CNGB3: variants seen among roughly 807,000 people sequenced by gnomAD.
CNGB3 encodes cyclic nucleotide-gated channel beta-3.
Under a neutral mutation model 92.8 loss-of-function variants are expected in CNGB3, and 86 were observed. The observed-to-expected ratio is 0.93, with a 90% CI of 0.78 to 1.11. The LOEUF (loss-of-function observed/expected upper bound fraction) is 1.11. Among genes scored for constraint, CNGB3 ranks in the 50% least tolerant of loss-of-function variants. The pLI is 0.00. For missense variants in CNGB3, 1,026 were observed against 956.8 expected (o/e 1.07, Z -0.95); for synonymous variants, 333 against 332.7 (o/e 1.00, Z -0.01).
At chr8:86,681,267 C>A (rs577318091) in intron 3 of CNGB3, among the ~76,000 whole-genome samples, 40 of 151,860 alleles carry the variant, frequency 2.6e-4, no homozygotes, top group African/African-American at 9.4e-4. Flanking sequence ...AGATAAGAGA[C>A]GTGAAGAGAA....
At chr8:86,720,839 TACAC>T (rs4024071) in intron 3 of CNGB3, among the ~76,000 whole-genome samples, 22,821 of 129,676 alleles carry the variant, frequency 0.18, 2,217 homozygotes, top group South Asian at 0.29. Context: ...TATATATGTA[TACAC>T]ACACACACAC....
chr8:86,715,306 A>G (rs1386368291), intron 3 of CNGB3, among the ~76,000 whole-genome samples: 1 of 152,154 alleles, frequency 6.6e-6, no homozygotes, highest in Non-Finnish European at 1.5e-5. Context: ...TTCCCCTGCT[A>G]TCTCCACTGG....
chr8:86,675,111 AC>A (rs1398883014), intron 3 of CNGB3, among the ~76,000 whole-genome samples: 1 of 152,010 alleles, frequency 6.6e-6, no homozygotes, highest in East Asian at 1.9e-4. Context: ...AGTGTCCACC[AC>A]CACACCTGGC....
At chr8:86,656,969 AAT>A (rs914159129) in intron 6 of CNGB3, among the ~76,000 whole-genome samples, 4 of 152,126 alleles carry the variant, frequency 2.6e-5, no homozygotes, top group Non-Finnish European at 5.9e-5. Flanking sequence ...ACACAGATAG[AAT>A]ATGTACACTG....
intron 3 of CNGB3, among the ~76,000 whole-genome samples, chr8:86,695,331 G>GGAGAGA (rs1824429647): frequency 6.7e-6 from 1 of 149,780 alleles, no homozygotes; most frequent in African/African-American, 2.5e-5. Flanking sequence ...AGAGGGAGAG[G>GGAGAGA]GAGAGGGAGA....
At chr8:86,717,775 C>T (rs1824889789) in intron 3 of CNGB3, among the ~76,000 whole-genome samples, 1 of 152,092 alleles carries the variant, frequency 6.6e-6, no homozygotes, top group South Asian at 2.1e-4. Context: ...CAAAACAAGT[C>T]TCAGTAATTT....
At chr8:86,576,317 G>A (rs1821661452) in intron 17 of CNGB3, among the ~76,000 whole-genome samples, 187 bp from the exon 18 acceptor site, 1 of 151,996 alleles carries the variant, frequency 6.6e-6, no homozygotes, top group Non-Finnish European at 1.5e-5. Flanking sequence ...CTAGAGAATG[G>A]ACTTGTTGCC....
chr8:86,653,453 T>G (rs932766240), intron 7 of CNGB3, among the ~76,000 whole-genome samples: 10 of 152,176 alleles, frequency 6.6e-5, no homozygotes, highest in African/African-American at 2.4e-4. Flanking sequence ...GTCTTTGAAG[T>G]GAGAGGCTAG....
chr8:86,691,095 G>A (rs1354385324), intron 3 of CNGB3, among the ~76,000 whole-genome samples: 2 of 151,940 alleles, frequency 1.3e-5, no homozygotes, highest in Non-Finnish European at 2.9e-5. Flanking sequence ...ATTCTGGTTT[G>A]GTATAATTTT....
intron 15 of CNGB3, among the ~76,000 whole-genome samples, chr8:86,579,648 C>T (rs995447848): frequency 3.9e-5 from 6 of 152,220 alleles, no homozygotes; most frequent in African/African-American, 1.4e-4. Context: ...CCTCTGACTT[C>T]ACTTGGGCTC....
intron 15 of CNGB3, among the ~76,000 whole-genome samples, chr8:86,581,260 A>T (rs1821759387): frequency 6.6e-6 from 1 of 152,226 alleles, no homozygotes; most frequent in Admixed American, 6.5e-5. Context: ...CTGCAGCAGA[A>T]GCCCCTGGAG....
chr8:86,735,041 G>GTTT (rs1825221676), intron 2 of CNGB3, among the ~76,000 whole-genome samples: 1 of 45,010 alleles, frequency 2.2e-5, no homozygotes, highest in Non-Finnish European at 3.8e-5. Flanking sequence ...AAATGCCGGT[G>GTTT]GTTTTTTTTT....
intron 3 of CNGB3, among the ~76,000 whole-genome samples, chr8:86,719,015 A>C (rs1824915395): frequency 6.6e-6 from 1 of 152,030 alleles, no homozygotes; most frequent in African/African-American, 2.4e-5. Flanking sequence ...TAGAAGGTAC[A>C]TACCTTAAGG....
rs752940533 is a variant in CNGB3, at chr8:86,582,251, C to T, written c.1782-2999G>A. Reference sequence around the variant, plus strand: ...TCCACTAAAAATATAAAAATTTAGCCGGGCATAGTGGCATGCCCTGTGGTA... The same window carrying T: ...TCCACTAAAAATATAAAAATTTAGCTGGGCATAGTGGCATGCCCTGTGGTA... On this transcript the variant is annotated intron_variant, in intron 15 of 17. Transcript: ENST00000320005. 1.3e-4 allele frequency among the ~76,000 whole-genome samples: 20 copies of T among 151,868 alleles called. No homozygotes were observed. In the East Asian group the frequency reaches 1.4e-3, roughly 10 times the overall value.
At chr8:86,728,400 T>G (rs879795632) in intron 2 of CNGB3, among the ~76,000 whole-genome samples, 3 of 84,824 alleles carry the variant, frequency 3.5e-5, no homozygotes, top group Admixed American at 3.4e-4. Context: ...AACAAGCTTT[T>G]GATAAAAAAA....
chr8:86,728,427 T>C (rs565743712), intron 2 of CNGB3, among the ~76,000 whole-genome samples: 1 of 152,320 alleles, frequency 6.6e-6, no homozygotes, highest in East Asian at 1.9e-4. Context: ...AGGATCTGTT[T>C]TCCTTATGTG....
In CNGB3 at chr8:86,578,155, C is replaced by T. The variant is rs550101250; in HGVS notation, c.2103+534G>A. On this transcript the variant is annotated intron_variant, in intron 17 of 17. Coordinates refer to ENST00000320005, the MANE Select transcript of CNGB3 (RefSeq NM_019098.5). ...CGATCTCCTGCCCTCGTGATCCGCC[C>T]GCCTTGGTCTCCCAAAGTGCTGGGA... is the stretch of plus-strand genomic sequence containing the variant. Among the ~76,000 whole-genome samples, 8 of 152,212 alleles carry T rather than the reference C, an allele frequency of 5.3e-5. No individual in the cohort carries two copies. In the South Asian group the frequency reaches 6.2e-4, roughly 12 times the overall value.
At chr8:86,739,620 G>GTTTTTTTTTTTTTTTTT in intron 2 of CNGB3, 35 bp downstream of exon 2, 18 of 1,488,488 alleles carry the variant, frequency 1.2e-5, no homozygotes, top group Middle Eastern at 1.8e-4. Flanking sequence ...TCACTTTTTA[G>GTTTTTTTTTTTTTTTTT]TTTTTTTTTT....
Position 86,576,096 on chromosome 8 carries a change from C to G in CNGB3, c.2138G>C (p.Gly713Ala). 6.3e-7 allele frequency: 1 copy of G among 1,595,514 alleles called. No individual in the cohort carries two copies. The stretch of plus-strand genomic sequence containing the variant: ...TTTTTGTTTATCTTCATTTTCTTTT[C>G]CTTCTTCCTCTCCTCCTTCAGAATT... ...KENSEGGEEE[G>A]KENEDKQKEN... The change falls in exon 18 of 18, where the codon GGA (glycine) becomes GCA (alanine). Residue 713 changes from glycine (G) to alanine (A), a missense_variant. Gly to Ala is a moderately conservative substitution (Grantham distance 60, BLOSUM62 0). Coordinates refer to ENST00000320005, the MANE Select transcript of CNGB3 (RefSeq NM_019098.5).
Sources: gnomAD v4.1 joint callset for allele counts (sites outside exome capture counted in the v4.1 genomes callset) on GRCh38, gnomAD v4.1.1 for gene constraint, MANE v1.5 for transcripts, NCBI Gene and HGNC (gene_info 2026-07-23, HGNC 2026-07-21) for gene names.